MGAM2: variants seen among roughly 807,000 people sequenced by gnomAD.
MGAM2 encodes the protein probable maltase-glucoamylase 2.
Under a neutral mutation model 96.1 loss-of-function variants are expected in MGAM2, and 98 were observed. That is an observed-to-expected ratio of 1.02 (90% confidence interval 0.87 to 1.21). MGAM2 has a LOEUF of 1.21. MGAM2 is among the 50% of genes most tolerant of loss of function. The pLI is 0.00. For missense variants in MGAM2, 2,055 were observed against 1,182.4 expected (o/e 1.74, Z -10.82); for synonymous variants, 749 against 414.8 (o/e 1.81, Z -9.79).
rs115922763 is a variant in MGAM2, at chr7:142,126,269, C to T, written c.187-4679C>T. On this transcript the variant is annotated intron_variant, in intron 3 of 47. Transcript: ENST00000477922. Reference sequence around the variant, plus strand: ...TTAATATATGAACGAATTCAAATTGCTAATATTTTATTGATATTTCGCACA... The same window carrying T: ...TTAATATATGAACGAATTCAAATTGTTAATATTTTATTGATATTTCGCACA... Among the ~76,000 whole-genome samples, 655 of 151,936 alleles carry T rather than the reference C, an allele frequency of 4.3e-3. 5 individuals are homozygous for T. The highest frequency in any genetic ancestry group is 0.015 in the African/African-American group (623 of 41,496).
At chr7:142,174,383 T>A (rs1279906928) in intron 31 of MGAM2, among the ~76,000 whole-genome samples, 1 of 152,164 alleles carries the variant, frequency 6.6e-6, no homozygotes, top group Non-Finnish European at 1.5e-5. Context: ...CTTGTAGAGA[T>A]CTTTCACCTC....
intron 34 of MGAM2, 85 bp from the exon 35 acceptor site, chr7:142,185,904 A>G: frequency 3.1e-6 from 2 of 649,370 alleles, no homozygotes; most frequent in South Asian, 1.7e-5. Flanking sequence ...TGATCTGGGC[A>G]GGCACAAATT....
rs34204853 is a variant in MGAM2, at chr7:142,171,605, CATATATATATAT to C, written c.3351+204_3351+215del. Among the ~76,000 whole-genome samples, 619 of 64,938 alleles carry C rather than the reference CATATATATATAT, an allele frequency of 9.5e-3. 7 individuals are homozygous for C. The highest frequency in any genetic ancestry group is 0.012 in the Non-Finnish European group (353 of 28,462). 42.6% of individuals were successfully genotyped at this position (64,938 alleles called of 152,430 possible). A position where few individuals can be genotyped will look rare whatever the true frequency, so the allele number is the denominator to read the frequency against. The stretch of plus-strand genomic sequence containing the variant: ...GTCACATTCTTTTGTCCCTAAAAGG[CATATATATATAT>C]ATATATATATATATATATATATATA... On this transcript the variant is annotated intron_variant, in intron 28 of 47. Transcript: ENST00000477922.
intron 3 of MGAM2, 75 bp from the exon 4 acceptor site, chr7:142,130,873 G>T: frequency 1.5e-6 from 1 of 650,194 alleles, no homozygotes; most frequent in South Asian, 1.6e-5. Flanking sequence ...GAATAAAATG[G>T]GTTATAAATA....
intron 37 of MGAM2, among the ~76,000 whole-genome samples, chr7:142,194,074 C>G (rs1301718646): frequency 6.6e-6 from 1 of 151,814 alleles, no homozygotes; most frequent in Admixed American, 6.6e-5. Flanking sequence ...GCTCTGTCAC[C>G]CAGGCTGGAG....
At chr7:142,215,368 T>A (rs529415942) in intron 46 of MGAM2, among the ~76,000 whole-genome samples, 1 of 152,004 alleles carries the variant, frequency 6.6e-6, no homozygotes, top group Admixed American at 6.5e-5. Flanking sequence ...GTTGATGGGT[T>A]GATGGATGCA....
At chr7:142,194,223 G>A (rs752285496) in intron 37 of MGAM2, among the ~76,000 whole-genome samples, 1 of 152,190 alleles carries the variant, frequency 6.6e-6, no homozygotes. Flanking sequence ...TTAAAGACAG[G>A]GTTTTGCCAT....
At position 142,143,776 on chromosome 7, in the gene MGAM2, C is replaced by T. The variant is rs756620153; in HGVS notation, c.1325C>T (p.Pro442Leu). 3.1e-5 allele frequency: 21 copies of T among 674,262 alleles called. No homozygotes were observed. The highest frequency in any genetic ancestry group is 4.3e-5 in the Non-Finnish European group (16 of 367,992). The allele number at this position is 674,262 out of a possible 1,614,324, so 41.8% of individuals were successfully genotyped here. ...CCTTCCTCTGTGTCCTAGGGATATC[C>T]GGGACCGACAGTCTTTCCCGATTAT... ...SNGFAVGEGY[P>L]GPTVFPDYTN... Residue 442 changes from proline (P) to leucine (L), a missense_variant, in exon 13 of 48, where the codon CCG becomes CTG. By Grantham distance (98) the Pro-to-Leu change is moderately conservative. Transcript: ENST00000477922.
chr7:142,221,182 C>T lies in MGAM2; in HGVS notation c.6671C>T (p.Thr2224Ile), dbSNP rs1797916085. The change falls in exon 48 of 48, where the codon ACA becomes ATA. Residue 2224 changes from threonine (T) to isoleucine (I), a missense_variant. Physicochemically the swap from Thr to Ile is moderately conservative, Grantham distance 89. Coordinates refer to ENST00000477922, the MANE Select transcript of MGAM2 (RefSeq NM_001293626.2). ...GTTATTATGGCAACTACTTCTCCTA[C>T]AAGTACTGATGTTGCTAGCACAAAT... ...TTVIMATTSP[T>I]STDVASTNND... is the part of the protein sequence containing the mutation. 1.4e-6 allele frequency: 1 copy of T among 702,446 alleles called. No homozygotes were observed. The highest frequency in any genetic ancestry group is 1.7e-5 in the African/African-American group (1 of 57,226). 43.5% of individuals were successfully genotyped at this position (702,446 alleles called of 1,614,324 possible). A position where few individuals can be genotyped will look rare whatever the true frequency, so the allele number is the denominator to read the frequency against.
Position 142,170,100 on chromosome 7 carries a change from A to T in MGAM2, c.3053A>T (p.Tyr1018Phe). 1.4e-6 allele frequency: 1 copy of T among 702,736 alleles called. No individual in the cohort carries two copies. The highest frequency in any genetic ancestry group is 2.6e-6 in the Non-Finnish European group (1 of 384,918). The allele number at this position is 702,736 out of a possible 1,614,324, so 43.5% of individuals were successfully genotyped here. ...VKIYDPTNKR[Y>F]EVPVPLNTPP... Reference sequence around the variant, plus strand: ...ATCTATGACCCCACTAATAAAAGGTATGAGGTTCCAGTACCACTGAACACC... The same window carrying T: ...ATCTATGACCCCACTAATAAAAGGTTTGAGGTTCCAGTACCACTGAACACC... The change falls in exon 27 of 48, where the codon TAT becomes TTT. Residue 1018 changes from tyrosine to phenylalanine, a missense_variant. Coordinates refer to ENST00000477922, the MANE Select transcript of MGAM2 (RefSeq NM_001293626.2).
At chr7:142,167,518 A>G (rs558816360) in intron 26 of MGAM2, 32 bp downstream of exon 26, 6 of 702,640 alleles carry the variant, frequency 8.5e-6, no homozygotes, top group East Asian at 2.7e-5. Context: ...CTGGTTCTCA[A>G]GATGGAGTTT....
In MGAM2 at chr7:142,172,168, TG is replaced by T; in HGVS notation, c.3423del (p.Leu1142SerfsTer3). The T allele has an allele frequency of 1.4e-6, 1 of 720,974 alleles. No individual in the cohort carries two copies. The highest frequency in any genetic ancestry group is 2.5e-6 in the Non-Finnish European group (1 of 393,080). 44.7% of individuals were successfully genotyped at this position (720,974 alleles called of 1,614,324 possible). On this transcript the variant is annotated frameshift_variant, in exon 29 of 48. Transcript: ENST00000477922. LOFTEE classifies it high-confidence loss of function. ...ALEEDGSAHG[V>X]LLLNSNAMDV... ...GAGGAGGATGGTAGTGCCCATGGAG[TG>T]CTCCTGCTAAATAGCAATGCCATGG...
intron 32 of MGAM2, among the ~76,000 whole-genome samples, chr7:142,182,728 G>A (rs1563280848): frequency 1.3e-5 from 2 of 152,286 alleles, no homozygotes; most frequent in East Asian, 3.9e-4. Context: ...GCTGGTCCCG[G>A]CACTCAGCAA....
chr7:142,119,960 CGT>C (rs1449722454), intron 2 of MGAM2, among the ~76,000 whole-genome samples: 1 of 152,150 alleles, frequency 6.6e-6, no homozygotes, highest in Non-Finnish European at 1.5e-5. Flanking sequence ...GTGATGAAAT[CGT>C]TCTGGAATTC....
Position 142,220,707 on chromosome 7 carries a change from C to T in MGAM2, c.6196C>T (p.Pro2066Ser). Residue 2066 changes from proline (P) to serine (S), a missense_variant, in exon 48 of 48, where the codon CCT (proline) becomes TCT (serine). By Grantham distance (74) the Pro-to-Ser change is moderately conservative. Transcript: ENST00000477922. ...TGTTCCTATTACAACCACACCTTCC[C>T]CTACAAATACTGCTGATGCTAACAC... The part of the protein sequence containing the change: ...ATVPITTTPS[P>S]TNTADANTSN... The T allele has an allele frequency of 1.4e-6, 1 of 702,194 alleles. No homozygotes were observed. Among genetic ancestry groups the T allele is most frequent in the East Asian group, 2.7e-5 (1 of 37,256 alleles). 43.5% of individuals were successfully genotyped at this position (702,194 alleles called of 1,614,324 possible). A position where few individuals can be genotyped will look rare whatever the true frequency, so the allele number is the denominator to read the frequency against.
rs1796023138 is a variant in MGAM2 at position 142,166,216 on chromosome 7, C to A, written c.2771C>A (p.Ser924Tyr). ...FNCYPDDPTA[S>Y]EESCRQRGCL... ...TGCTACCCTGATGATCCAACAGCCT[C>A]TGAGGAGAGTTGTAGGCAGCGGGGG... The change falls in exon 25 of 48, where the codon TCT becomes TAT. Residue 924 changes from serine (S) to tyrosine (Y), a missense_variant. By Grantham distance (144) the Ser-to-Tyr change is moderately radical. Coordinates refer to ENST00000477922, the MANE Select transcript of MGAM2 (RefSeq NM_001293626.2). 1 of 702,378 alleles carries A rather than the reference C, an allele frequency of 1.4e-6. No individual in the cohort carries two copies. The highest frequency in any genetic ancestry group is 1.7e-5 in the African/African-American group (1 of 57,232). 43.5% of individuals were successfully genotyped at this position (702,378 alleles called of 1,614,324 possible).
chr7:142,166,117 T>A lies in MGAM2; in HGVS notation c.2672T>A (p.Leu891His), dbSNP rs1796020153. The A allele has an allele frequency of 1.4e-6, 1 of 698,944 alleles. No homozygotes were observed. Among genetic ancestry groups the A allele is most frequent in the Non-Finnish European group, 2.6e-6 (1 of 383,250 alleles). 43.3% of individuals were successfully genotyped at this position (698,944 alleles called of 1,614,324 possible). A position where few individuals can be genotyped will look rare whatever the true frequency, so the allele number is the denominator to read the frequency against. ...ASTKVVTITD[L>H]QGLVLGQEFS... Reference sequence around the variant, plus strand: ...CCCCAGGTGGTAACCATCACTGATCTCCAAGGACTGGTACTGGGACAAGAA... The same window carrying A: ...CCCCAGGTGGTAACCATCACTGATCACCAAGGACTGGTACTGGGACAAGAA... Residue 891 changes from leucine to histidine, a missense_variant, in exon 25 of 48, where the codon CTC becomes CAC. Leu to His is a moderately conservative substitution (Grantham distance 99). Coordinates refer to ENST00000477922, the MANE Select transcript of MGAM2 (RefSeq NM_001293626.2).
chr7:142,202,351 T>C (rs1375577321), intron 45 of MGAM2, among the ~76,000 whole-genome samples: 4 of 152,206 alleles, frequency 2.6e-5, no homozygotes, highest in African/African-American at 7.2e-5. Flanking sequence ...AGGGTGTACA[T>C]GTGCAGGTTT....
At chr7:142,160,347 A>G (rs1795852864) in intron 21 of MGAM2, 89 bp downstream of exon 21, 1 of 580,890 alleles carries the variant, frequency 1.7e-6, no homozygotes, top group African/African-American at 1.9e-5. Context: ...ATTTTTGTGG[A>G]TGAGCCAAGG....
Sources: gnomAD v4.1 joint callset for allele counts (sites outside exome capture counted in the v4.1 genomes callset) on GRCh38, gnomAD v4.1.1 for gene constraint, MANE v1.5 for transcripts, NCBI Gene and HGNC (gene_info 2026-07-23, HGNC 2026-07-21) for gene names.